The following RELN variants were observed in gnomAD, a reference collection of about 807,000 sequenced individuals.
The protein encoded by RELN is reelin.
In RELN, 108 loss-of-function variants were observed where a neutral mutation model predicts 427.6. That is an observed-to-expected ratio of 0.25 (90% CI 0.22 to 0.30). The LOEUF is 0.30. Among genes scored for constraint, RELN ranks in the 10% least tolerant of loss-of-function variants. The pLI is 1.00. For synonymous variants in RELN, 1,524 were observed against 1,513.4 expected (o/e 1.01, Z -0.16); for missense variants, 3,715 against 4,302.8 (o/e 0.86, Z 3.82).
At chr7:103,745,517 C>A (rs1790797383) in intron 6 of RELN, among the ~76,000 whole-genome samples, 1 of 148,418 alleles carries the variant, frequency 6.7e-6, no homozygotes, top group African/African-American at 2.6e-5. Flanking sequence ...CTATAAAACC[C>A]CATCGTCTCA....
intron 10 of RELN, among the ~76,000 whole-genome samples, chr7:103,694,833 T>A (rs973223176): frequency 2.1e-5 from 3 of 139,918 alleles, no homozygotes; most frequent in Non-Finnish European, 3.0e-5. Context: ...CTAGTTTTTT[T>A]TTTTTAATTT....
chr7:103,652,999 A>G (rs1197657858), intron 13 of RELN, among the ~76,000 whole-genome samples: 2 of 152,062 alleles, frequency 1.3e-5, no homozygotes, highest in East Asian at 1.9e-4. Flanking sequence ...GTGTTTGATC[A>G]GGCTCTCCCT....
At chr7:103,975,852 G>C (rs1796869241) in intron 1 of RELN, among the ~76,000 whole-genome samples, 1 of 151,872 alleles carries the variant, frequency 6.6e-6, no homozygotes, top group Non-Finnish European at 1.5e-5. Flanking sequence ...GGCCGGAATG[G>C]AGCAGTTTTA....
At chr7:103,657,672 G>T (rs1833050392) in intron 12 of RELN, among the ~76,000 whole-genome samples, 2 of 152,082 alleles carry the variant, frequency 1.3e-5, no homozygotes, top group Admixed American at 1.3e-4. Context: ...AAGTCCTAAA[G>T]GAGCCAAGAC....
At chr7:103,742,906 A>G (rs1790706247) in intron 6 of RELN, among the ~76,000 whole-genome samples, 1 of 152,104 alleles carries the variant, frequency 6.6e-6, no homozygotes, top group Admixed American at 6.5e-5. Flanking sequence ...CAGGAAATAC[A>G]GAGAATGCCA....
At chr7:103,747,434 A>G (rs1790871588) in intron 6 of RELN, among the ~76,000 whole-genome samples, 1 of 148,398 alleles carries the variant, frequency 6.7e-6, no homozygotes, top group African/African-American at 2.5e-5. Context: ...TTAAAAAAAT[A>G]AAAAGAACGG....
chr7:103,938,923 T>G (rs1404731057), intron 1 of RELN, among the ~76,000 whole-genome samples: 3 of 152,142 alleles, frequency 2.0e-5, no homozygotes, highest in Admixed American at 6.5e-5. Flanking sequence ...AAAAAAGTCA[T>G]TCTCCTAAAG....
chr7:103,728,792 C>T (rs879391011), intron 6 of RELN, among the ~76,000 whole-genome samples: 1 of 152,038 alleles, frequency 6.6e-6, no homozygotes, highest in Non-Finnish European at 1.5e-5. Flanking sequence ...TGCATGTATA[C>T]GTTCCACCAT....
intron 2 of RELN, among the ~76,000 whole-genome samples, chr7:103,846,365 G>GC (rs1793677519): frequency 6.6e-6 from 1 of 152,150 alleles, no homozygotes; most frequent in African/African-American, 2.4e-5. Context: ...GGGAAAACTG[G>GC]CTAGCCATAC....
At chr7:103,874,895 G>T (rs1347454402) in intron 2 of RELN, among the ~76,000 whole-genome samples, 1 of 146,560 alleles carries the variant, frequency 6.8e-6, no homozygotes, top group Admixed American at 6.8e-5. Context: ...AGCCTGCATT[G>T]CCAAGTCAAT....
chr7:103,512,769 G>A (rs1377653844), intron 50 of RELN: 1 of 152,126 alleles, frequency 6.6e-6, no homozygotes, highest in Non-Finnish European at 1.5e-5. Flanking sequence ...GATTTTATAG[G>A]TCCAATTCTT....
intron 1 of RELN, among the ~76,000 whole-genome samples, chr7:103,935,918 G>A (rs1265408452): frequency 6.6e-6 from 1 of 151,998 alleles, no homozygotes; most frequent in African/African-American, 2.4e-5. Flanking sequence ...TCAACCAAGT[G>A]CAAAACCCAA....
chr7:103,949,382 T>TAA (rs11374878), intron 1 of RELN, among the ~76,000 whole-genome samples: 4,791 of 148,888 alleles, frequency 0.032, 109 homozygotes, highest in Middle Eastern at 0.1. Flanking sequence ...ACTTTGAACT[T>TAA]AAAAAAAAAA....
In RELN at chr7:103,953,506, T is replaced by C. The variant is rs1370934688; in HGVS notation, c.226+35625A>G. Among the ~76,000 whole-genome samples, 1 of 152,216 alleles carries C rather than the reference T, an allele frequency of 6.6e-6. No homozygotes were observed. Among genetic ancestry groups the C allele is most frequent in the African/African-American group, 2.4e-5 (1 of 41,456 alleles). Reference sequence around the variant, plus strand: ...GGCAGTGCTGATATTTTTAAGGCACTGGTAGGGGGACATACACACACACAG... The same window carrying C: ...GGCAGTGCTGATATTTTTAAGGCACCGGTAGGGGGACATACACACACACAG... On this transcript the variant is annotated intron_variant, in intron 1 of 64. Coordinates refer to ENST00000428762, the MANE Select transcript of RELN (RefSeq NM_005045.4). This position sits in a 1 kb window ranked among gnomAD's most constrained non-coding sequence, Gnocchi z 4.3.
At chr7:103,783,691 C>A (rs976304530) in intron 3 of RELN, among the ~76,000 whole-genome samples, 11 of 152,118 alleles carry the variant, frequency 7.2e-5, no homozygotes, top group Non-Finnish European at 1.6e-4. Flanking sequence ...TTTTTATTAG[C>A]AAGAGAAGGA....
At chr7:103,733,655 T>C (rs1237353826) in intron 6 of RELN, among the ~76,000 whole-genome samples, 3 of 135,000 alleles carry the variant, frequency 2.2e-5, no homozygotes, top group Non-Finnish European at 4.9e-5. Context: ...ATGGATGAAA[T>C]TTGAAATCAT....
At chr7:103,565,171 T>G in intron 34 of RELN, 107 bp downstream of exon 34, 1 of 1,419,406 alleles carries the variant, frequency 7.0e-7, no homozygotes, top group East Asian at 2.3e-5. Flanking sequence ...CTTCCATGCA[T>G]AATTATCATG....
intron 3 of RELN, among the ~76,000 whole-genome samples, chr7:103,818,584 A>G (rs570076290): frequency 1.3e-5 from 2 of 152,334 alleles, no homozygotes; most frequent in South Asian, 4.1e-4. Context: ...TTGACTTCAT[A>G]GTTAACCTTA....
At chr7:103,937,363 G>A (rs1796010379) in intron 1 of RELN, among the ~76,000 whole-genome samples, 1 of 152,176 alleles carries the variant, frequency 6.6e-6, no homozygotes, top group African/African-American at 2.4e-5. Context: ...CACAGTGTTT[G>A]AATAAACTTT....
Sources: gnomAD v4.1 joint callset for allele counts (sites outside exome capture counted in the v4.1 genomes callset) on GRCh38, gnomAD v4.1.1 for gene constraint, Gnocchi (gnomAD v3.1) non-coding constraint, MANE v1.5 for transcripts, NCBI Gene and HGNC (gene_info 2026-07-23, HGNC 2026-07-21) for gene names.